The following IPO11 variants were observed in gnomAD, a reference collection of about 807,000 sequenced individuals.
The protein encoded by IPO11 is importin 11, also known as importin-11.
IPO11 carries 66 observed loss-of-function variants against 143.2 expected under a neutral mutation model. That is an observed-to-expected ratio of 0.46 (90% confidence interval 0.38 to 0.57). The LOEUF (loss-of-function observed/expected upper bound fraction) is 0.57, where lower values mean the gene tolerates loss of function less well. Ranked by LOEUF, IPO11 falls within the 20% of genes least tolerant of loss-of-function variation. The pLI is 0.00. For missense variants in IPO11, 1,026 were observed against 1,141.0 expected (o/e 0.90, Z 1.45); for synonymous variants, 385 against 377.8 (o/e 1.02, Z -0.22).
chr5:62,434,370 C>T (rs886415013), intron 1 of IPO11, among the ~76,000 whole-genome samples: 1 of 151,996 alleles, frequency 6.6e-6, no homozygotes, highest in African/African-American at 2.4e-5. Context: ...GGCGTGATCA[C>T]AGCTCACTGT....
At chr5:62,521,887 T>C (rs1246361816) in intron 20 of IPO11, among the ~76,000 whole-genome samples, 1 of 152,170 alleles carries the variant, frequency 6.6e-6, no homozygotes, top group Non-Finnish European at 1.5e-5. Flanking sequence ...TTGTACAACA[T>C]TTTGTTTTTG....
intron 5 of IPO11, among the ~76,000 whole-genome samples, chr5:62,459,769 A>G (rs1745292339): frequency 6.6e-6 from 1 of 152,120 alleles, no homozygotes; most frequent in Admixed American, 6.5e-5. Context: ...CAGGCTGGTC[A>G]CGAACTCCTG....
At chr5:62,440,862 T>C (rs1253391897) in intron 2 of IPO11, among the ~76,000 whole-genome samples, 1 of 150,816 alleles carries the variant, frequency 6.6e-6, no homozygotes, top group African/African-American at 2.4e-5. Flanking sequence ...ATTCGGGAGG[T>C]TGAGGAAGGA....
At chr5:62,575,461 T>C (rs1193652398) in intron 27 of IPO11, among the ~76,000 whole-genome samples, 1 of 152,170 alleles carries the variant, frequency 6.6e-6, no homozygotes, top group African/African-American at 2.4e-5. Flanking sequence ...CTCTGTCATG[T>C]CATTTCCTCA....
chr5:62,491,734 C>T (rs1296401695), intron 15 of IPO11, among the ~76,000 whole-genome samples: 3 of 147,782 alleles, frequency 2.0e-5, no homozygotes, highest in Admixed American at 6.8e-5. Context: ...GGCGCGATCT[C>T]GACTCACTGC....
At chr5:62,565,542 A>G (rs1049099346) in intron 27 of IPO11, among the ~76,000 whole-genome samples, 1 of 152,194 alleles carries the variant, frequency 6.6e-6, no homozygotes, top group Non-Finnish European at 1.5e-5. Context: ...TATGAAGAAA[A>G]GAAACAAACT....
At chr5:62,553,508 C>T (rs986011644) in intron 26 of IPO11, among the ~76,000 whole-genome samples, 2 of 152,006 alleles carry the variant, frequency 1.3e-5, no homozygotes, top group African/African-American at 2.4e-5. Context: ...TGTATATATC[C>T]AGTAGTGAGA....
At chr5:62,479,941 T>C (rs1314723348) in intron 9 of IPO11, among the ~76,000 whole-genome samples, 1 of 152,242 alleles carries the variant, frequency 6.6e-6, no homozygotes, top group Non-Finnish European at 1.5e-5. Context: ...CTCTTTAGTT[T>C]AATTAGCTCC....
intron 3 of IPO11, among the ~76,000 whole-genome samples, chr5:62,443,555 G>C (rs1268842238): frequency 1.3e-5 from 2 of 151,520 alleles, no homozygotes; most frequent in Non-Finnish European, 2.9e-5. Context: ...TTGAGCACAG[G>C]AGTTTGAGAT....
intron 14 of IPO11, 42 bp from the exon 15 acceptor site, chr5:62,490,073 T>A (rs1284670656): frequency 1.6e-6 from 2 of 1,226,080 alleles, no homozygotes. Context: ...GCAGATCTGA[T>A]ATCTGAAACC....
chr5:62,448,675 T>G (rs1427677398), intron 3 of IPO11, among the ~76,000 whole-genome samples: 3 of 152,106 alleles, frequency 2.0e-5, no homozygotes, highest in Non-Finnish European at 2.9e-5. Context: ...CTCAGCCTCC[T>G]GAGTACCTCA....
intron 21 of IPO11, among the ~76,000 whole-genome samples, chr5:62,530,042 T>C (rs753073680): frequency 1.3e-5 from 2 of 152,226 alleles, no homozygotes; most frequent in Non-Finnish European, 2.9e-5. Context: ...TTATTAAGCA[T>C]TTAGCATAAG....
intron 27 of IPO11, chr5:62,561,905 T>TTA: frequency 6.6e-6 from 1 of 150,674 alleles, no homozygotes; most frequent in Non-Finnish European, 1.5e-5. Context: ...GTGGCAGGTA[T>TTA]ATAAATAACA....
chr5:62,554,747 G>C (rs1163553550), intron 26 of IPO11, among the ~76,000 whole-genome samples: 1 of 151,900 alleles, frequency 6.6e-6, no homozygotes, highest in Non-Finnish European at 1.5e-5. Context: ...ACAGAGTCTA[G>C]CTCTGTGGCC....
intron 20 of IPO11, among the ~76,000 whole-genome samples, chr5:62,521,875 T>C (rs1742213836): frequency 6.6e-6 from 1 of 152,164 alleles, no homozygotes; most frequent in African/African-American, 2.4e-5. Flanking sequence ...TGAATAATTC[T>C]TTTGTACAAC....
chr5:62,449,295 A>G (rs1450966517), intron 3 of IPO11, among the ~76,000 whole-genome samples: 4 of 152,150 alleles, frequency 2.6e-5, no homozygotes, highest in African/African-American at 9.7e-5. Flanking sequence ...GTAGCTTTCT[A>G]TTTTCCTTTC....
At chr5:62,613,255 C>T (rs1437071004) in intron 29 of IPO11, among the ~76,000 whole-genome samples, 3 of 149,856 alleles carry the variant, frequency 2.0e-5, no homozygotes, top group African/African-American at 7.3e-5. Flanking sequence ...GATTTTATTT[C>T]CCAAGAATAG....
intron 23 of IPO11, 98 bp from the exon 24 acceptor site, chr5:62,537,111 A>C: frequency 1.4e-6 from 1 of 735,214 alleles, no homozygotes; most frequent in Non-Finnish European, 2.3e-6. Context: ...TTAGTGTATA[A>C]TTCTCAAGTA....
chr5:62,507,423 G>C (rs1261758868), intron 19 of IPO11, among the ~76,000 whole-genome samples: 1 of 152,072 alleles, frequency 6.6e-6, no homozygotes, highest in Non-Finnish European at 1.5e-5. Context: ...AGAGAATTTG[G>C]TCACACAGAG....
Sources: gnomAD v4.1 joint callset for allele counts (sites outside exome capture counted in the v4.1 genomes callset) on GRCh38, gnomAD v4.1.1 for gene constraint, MANE v1.5 for transcripts, NCBI Gene and HGNC (gene_info 2026-07-23, HGNC 2026-07-21) for gene names.